Variants in EYS observed in about 807,000 individuals in gnomAD.
EYS encodes the protein EGF-like photoreceptor maintenance factor.
In EYS, 250 loss-of-function variants were observed where a neutral mutation model predicts 282.1. That is an observed-to-expected ratio of 0.89 (90% CI 0.80 to 0.98). EYS has a LOEUF of 0.98. EYS is among the 50% of genes least tolerant of loss of function. The pLI, the probability that EYS is intolerant of heterozygous loss-of-function variation, is 0.00. For missense variants in EYS, 4,016 were observed against 3,709.0 expected (o/e 1.08, Z -2.15); for synonymous variants, 1,355 against 1,282.9 (o/e 1.06, Z -1.20).
At chr6:63,813,766 C>G (rs1167717256) in intron 36 of EYS, among the ~76,000 whole-genome samples, 1 of 152,110 alleles carries the variant, frequency 6.6e-6, no homozygotes, top group Non-Finnish European at 1.5e-5. Flanking sequence ...GTTCTTCCTT[C>G]TCTATGATGT....
At chr6:65,273,756 G>A (rs1767967966) in intron 12 of EYS, among the ~76,000 whole-genome samples, 1 of 152,138 alleles carries the variant, frequency 6.6e-6, no homozygotes, top group African/African-American at 2.4e-5. Context: ...ATGATTAACT[G>A]CTTTTGTTTT....
At chr6:64,115,053 C>T (rs1218108496) in intron 31 of EYS, among the ~76,000 whole-genome samples, 1 of 152,148 alleles carries the variant, frequency 6.6e-6, no homozygotes, top group Non-Finnish European at 1.5e-5. Flanking sequence ...TCACTTTATG[C>T]ATGCCCAAGC....
rs1441845742 is a variant in EYS at position 63,720,854 on chromosome 6, G to C, written c.9177C>G (p.Tyr3059Ter). 2.6e-6 allele frequency: 4 copies of C among 1,551,164 alleles called. No individual in the cohort carries two copies. Among genetic ancestry groups the C allele is most frequent in the South Asian group, 1.2e-5 (1 of 84,056 alleles). Reference protein sequence around the residue: ...VIQNQTLIKAYINNSLILSED... With the variant: ...VIQNQTLIKA ...CGGAAAGAATTAGACTGTTATTTAT[G>C]TAGGCCTTGATAAGAGTCTGATTTT... The change falls in exon 43 of 43, where the codon TAC becomes TAG. Residue 3059 changes from tyrosine (Y) to a stop codon, truncating the protein, a stop_gained. Coordinates refer to ENST00000503581, the MANE Select transcript of EYS (RefSeq NM_001142800.2). LOFTEE classifies it high-confidence loss of function.
chr6:64,191,577 T>C (rs1432321048), intron 31 of EYS, among the ~76,000 whole-genome samples: 3 of 149,164 alleles, frequency 2.0e-5, no homozygotes, highest in African/African-American at 7.4e-5. Flanking sequence ...GAATATGCGG[T>C]GTTTGGCTTT....
chr6:65,291,856 G>T (rs10498832), intron 12 of EYS, among the ~76,000 whole-genome samples: 12,126 of 151,586 alleles, frequency 0.08, 628 homozygotes, highest in African/African-American at 0.14. Context: ...CTAGCTGAGT[G>T]GTTTAAGAGC....
intron 30 of EYS, among the ~76,000 whole-genome samples, chr6:64,301,721 AC>A (rs1368472329): frequency 6.6e-6 from 1 of 151,884 alleles, no homozygotes; most frequent in East Asian, 1.9e-4. Context: ...CTGCTGATAA[AC>A]CCCTTCAGTT....
At chr6:65,067,372 A>G (rs1336953475) in intron 12 of EYS, among the ~76,000 whole-genome samples, 1 of 152,158 alleles carries the variant, frequency 6.6e-6, no homozygotes, top group Non-Finnish European at 1.5e-5. Context: ...GGATAAAAAA[A>G]AATAATGAAA....
intron 26 of EYS, among the ~76,000 whole-genome samples, chr6:64,560,499 C>A (rs1765360843): frequency 6.6e-6 from 1 of 152,014 alleles, no homozygotes; most frequent in Non-Finnish European, 1.5e-5. Context: ...TATACACTTT[C>A]AATTCGCTTA....
chr6:63,740,949 G>A (rs534166774), intron 41 of EYS, among the ~76,000 whole-genome samples: 1 of 152,308 alleles, frequency 6.6e-6, no homozygotes, highest in South Asian at 2.1e-4. Context: ...TTTGGGAAAG[G>A]TCCAGGGTTT....
At chr6:64,162,896 T>C (rs11966803) in intron 31 of EYS, among the ~76,000 whole-genome samples, 9,179 of 152,218 alleles carry the variant, frequency 0.06, 910 homozygotes, top group African/African-American at 0.21. Flanking sequence ...TAGTTTACTG[T>C]TCAGAAATAG....
chr6:64,046,271 G>A (rs945310031), intron 33 of EYS, among the ~76,000 whole-genome samples: 1 of 151,690 alleles, frequency 6.6e-6, no homozygotes, highest in African/African-American at 2.4e-5. Flanking sequence ...CAATTTGAAG[G>A]GATCGATTTC....
intron 22 of EYS, among the ~76,000 whole-genome samples, chr6:64,788,152 A>T (rs1774080899): frequency 6.6e-6 from 1 of 152,204 alleles, no homozygotes; most frequent in Non-Finnish European, 1.5e-5. Flanking sequence ...AGAATAAGGA[A>T]CTAAATATCA....
intron 12 of EYS, among the ~76,000 whole-genome samples, chr6:65,148,223 G>A (rs190292982): frequency 1.3e-5 from 2 of 152,160 alleles, no homozygotes; most frequent in East Asian, 3.9e-4. Context: ...CTGAGACAAG[G>A]CAAGACCCTT....
intron 22 of EYS, among the ~76,000 whole-genome samples, chr6:64,642,181 T>G (rs1768180809): frequency 6.6e-6 from 1 of 152,222 alleles, no homozygotes; most frequent in Non-Finnish European, 1.5e-5. Flanking sequence ...TCTGTATTGT[T>G]TGTCCATTAG....
intron 36 of EYS, among the ~76,000 whole-genome samples, chr6:63,847,436 C>A (rs1772128621): frequency 6.6e-6 from 1 of 152,080 alleles, no homozygotes; most frequent in South Asian, 2.1e-4. Context: ...CTTGCCATCC[C>A]CTCTGTTTGC....
chr6:65,452,818 C>T (rs2150403070), intron 5 of EYS, among the ~76,000 whole-genome samples: 1 of 152,090 alleles, frequency 6.6e-6, no homozygotes, highest in South Asian at 2.1e-4. Context: ...TGGCCCATAT[C>T]AACAATCAGA....
chr6:64,640,595 G>A (rs1052464439), intron 22 of EYS, among the ~76,000 whole-genome samples: 5 of 151,650 alleles, frequency 3.3e-5, no homozygotes, highest in African/African-American at 1.2e-4. Context: ...GGGAGGGATA[G>A]CATTAGGATA....
chr6:64,992,488 C>T (rs556572187), intron 14 of EYS, among the ~76,000 whole-genome samples: 4 of 151,856 alleles, frequency 2.6e-5, no homozygotes, highest in African/African-American at 9.6e-5. Context: ...GAAACCATTA[C>T]TTAAAAGCAA....
chr6:65,526,533 G>C (rs1431740004), intron 2 of EYS, among the ~76,000 whole-genome samples: 3 of 152,072 alleles, frequency 2.0e-5, no homozygotes, highest in Non-Finnish European at 2.9e-5. Context: ...TCAAAAGGCT[G>C]CTTGGCTCAC....
Sources: gnomAD v4.1 joint callset for allele counts (sites outside exome capture counted in the v4.1 genomes callset) on GRCh38, gnomAD v4.1.1 for gene constraint, MANE v1.5 for transcripts, NCBI Gene and HGNC (gene_info 2026-07-23, HGNC 2026-07-21) for gene names.